The following ATP13A4 variants were observed in gnomAD, a reference collection of about 807,000 sequenced individuals.
ATP13A4 encodes probable cation-transporting ATPase 13A4.
In ATP13A4, 114 loss-of-function variants were observed where a neutral mutation model predicts 142.5. The observed-to-expected ratio is 0.80, with a 90% CI of 0.69 to 0.93. The LOEUF is 0.93. Among genes scored for constraint, ATP13A4 ranks in the 40% least tolerant of loss-of-function variants. The pLI, the probability that ATP13A4 is intolerant of heterozygous loss-of-function variation, is 0.00. For missense variants in ATP13A4, 1,392 were observed against 1,454.0 expected (o/e 0.96, Z 0.69); for synonymous variants, 488 against 514.8 (o/e 0.95, Z 0.70).
rs1339338258 is a variant in ATP13A4 at position 193,499,289 on chromosome 3, G to A, written c.381+3204C>T. ...ATTTGCAGATTTCACAATCTGCAAAGGAAATATTTGTAAATGACAGGCTCT... is the reference window on the plus strand; with the variant it reads ...ATTTGCAGATTTCACAATCTGCAAAAGAAATATTTGTAAATGACAGGCTCT... On this transcript the variant is annotated intron_variant, in intron 3 of 29. Transcript: ENST00000342695. Among the ~76,000 whole-genome samples, 5 of 152,182 alleles carry A rather than the reference G, an allele frequency of 3.3e-5. No homozygotes were observed. The South Asian group carries it at 8.3e-4, about 25-fold the overall frequency.
At chr3:193,491,052 T>C (rs1719915453) in intron 6 of ATP13A4, among the ~76,000 whole-genome samples, 1 of 152,232 alleles carries the variant, frequency 6.6e-6, no homozygotes, top group Middle Eastern at 3.4e-3. Context: ...TTAAGCAGCA[T>C]AGTATTAAAA....
intron 7 of ATP13A4, among the ~76,000 whole-genome samples, chr3:193,485,294 A>AGAGCAGCAGTTACACGTACAGGTG (rs1422880538): frequency 4.6e-5 from 7 of 150,558 alleles, no homozygotes; most frequent in Non-Finnish European, 7.4e-5. Flanking sequence ...ACGTACAGGT[A>AGAGCAGCAGTTACACGTACAGGTG]GAGCAGCAGT....
chr3:193,428,339 G>T (rs1715783058), intron 25 of ATP13A4, among the ~76,000 whole-genome samples: 1 of 152,186 alleles, frequency 6.6e-6, no homozygotes, highest in East Asian at 1.9e-4. Flanking sequence ...TTACACTGTT[G>T]GTGGGACTGT....
intron 25 of ATP13A4, among the ~76,000 whole-genome samples, chr3:193,422,251 A>G (rs1020975110): frequency 6.7e-6 from 1 of 149,954 alleles, no homozygotes; most frequent in African/African-American, 2.4e-5. Context: ...AATGAACACA[A>G]AAGGAGAAAT....
intron 20 of ATP13A4, 128 bp downstream of exon 20, chr3:193,441,338 T>C: frequency 8.3e-7 from 1 of 1,202,198 alleles, no homozygotes; most frequent in Non-Finnish European, 1.2e-6. Flanking sequence ...TATCTGTCTC[T>C]CTTAAGATAC....
chr3:193,427,769 C>T (rs1233040724), intron 25 of ATP13A4, among the ~76,000 whole-genome samples: 55 of 152,234 alleles, frequency 3.6e-4, no homozygotes, highest in Middle Eastern at 3.4e-3. Context: ...CCCTTCCTTA[C>T]ACCTTATACA....
At chr3:193,494,498 A>G (rs189124845) in intron 3 of ATP13A4, among the ~76,000 whole-genome samples, 77 of 152,144 alleles carry the variant, frequency 5.1e-4, no homozygotes, top group Admixed American at 3.2e-3. Flanking sequence ...GCAAATACAT[A>G]CAAATTAAAC....
At chr3:193,542,584 C>G (rs1370380569) in intron 1 of ATP13A4, among the ~76,000 whole-genome samples, 1 of 152,030 alleles carries the variant, frequency 6.6e-6, no homozygotes, top group African/African-American at 2.4e-5. Context: ...AACTATACTA[C>G]AAGTCTGCAG....
At chr3:193,519,988 G>T (rs1721632683) in intron 1 of ATP13A4, among the ~76,000 whole-genome samples, 1 of 152,052 alleles carries the variant, frequency 6.6e-6, no homozygotes, top group Middle Eastern at 3.4e-3. Flanking sequence ...CCTCCTTTCT[G>T]CTCCCCTACA....
At chr3:193,512,390 T>C (rs755061543) in intron 2 of ATP13A4, among the ~76,000 whole-genome samples, 1 of 152,148 alleles carries the variant, frequency 6.6e-6, no homozygotes. Context: ...GGGCCACTCA[T>C]AGCACTTTAC....
At chr3:193,447,497 T>C (rs1033598467) in intron 18 of ATP13A4, among the ~76,000 whole-genome samples, 1 of 152,184 alleles carries the variant, frequency 6.6e-6, no homozygotes, top group Non-Finnish European at 1.5e-5. Context: ...TAAAAGCATC[T>C]GACTACAAGA....
chr3:193,546,117 G>A (rs1057214301), intron 1 of ATP13A4, among the ~76,000 whole-genome samples: 15 of 151,788 alleles, frequency 9.9e-5, no homozygotes, highest in African/African-American at 3.6e-4. Context: ...TCTCATAGAA[G>A]TGATCTTTAT....
chr3:193,417,918 C>G lies in ATP13A4; in HGVS notation c.2843-3168G>C, dbSNP rs376453247. On this transcript the variant is annotated intron_variant, in intron 25 of 29. Coordinates refer to ENST00000342695, the MANE Select transcript of ATP13A4 (RefSeq NM_032279.4). The stretch of plus-strand genomic sequence containing the variant: ...CGGGCGGATCACAAGGTCAGGAGAT[C>G]GAGACCATCCCGGCTAAAACGGTGA... 5.3e-4 allele frequency among the ~76,000 whole-genome samples: 78 copies of G among 146,516 alleles called. 2 individuals are homozygous for G. Among genetic ancestry groups the G allele is most frequent in the South Asian group, 8.7e-4 (4 of 4,614 alleles).
intron 1 of ATP13A4, among the ~76,000 whole-genome samples, chr3:193,588,707 G>C (rs921042529): frequency 1.3e-5 from 2 of 151,928 alleles, no homozygotes; most frequent in African/African-American, 4.8e-5. Flanking sequence ...TGCCTCTGTG[G>C]GTAGTAACTG....
intron 1 of ATP13A4, among the ~76,000 whole-genome samples, chr3:193,534,260 G>A (rs1722478927): frequency 6.6e-6 from 1 of 152,098 alleles, no homozygotes; most frequent in Non-Finnish European, 1.5e-5. Context: ...AGAAGCTAAC[G>A]ATGACATTAA....
chr3:193,486,743 G>T lies in ATP13A4; in HGVS notation c.739-2738C>A, dbSNP rs140825565. ...GGATTTGAGATACATATACAAATTT[G>T]AAAGCTATTAGCATATGCCTTTAGA... On this transcript the variant is annotated intron_variant, in intron 7 of 29. Transcript: ENST00000342695. Among the ~76,000 whole-genome samples the T allele has an allele frequency of 5.5e-3, 832 of 152,280 alleles. 5 individuals are homozygous for T. Among genetic ancestry groups the T allele is most frequent in the African/African-American group, 0.017 (688 of 41,566 alleles).
At position 193,414,063 on chromosome 3, in the gene ATP13A4, T is replaced by C. The variant is rs140495188; in HGVS notation, c.3014+516A>G. On this transcript the variant is annotated intron_variant, in intron 26 of 29. Coordinates refer to ENST00000342695, the MANE Select transcript of ATP13A4 (RefSeq NM_032279.4). ...GGCCCAACTGCAAAATTCCTCTCTT[T>C]GTACTCTTTCTCTTTATTTCTCAGC... Among the ~76,000 whole-genome samples, 1,003 of 152,294 alleles carry C rather than the reference T, an allele frequency of 6.6e-3. 12 individuals carry two copies. Among genetic ancestry groups the C allele is most frequent in the African/African-American group, 0.022 (933 of 41,558 alleles).
intron 1 of ATP13A4, among the ~76,000 whole-genome samples, chr3:193,539,221 A>G (rs932667227): frequency 3.9e-5 from 6 of 152,192 alleles, no homozygotes; most frequent in Non-Finnish European, 5.9e-5. Context: ...TCAGTGGGCC[A>G]TATGTCCCCA....
chr3:193,479,502 C>T (rs1004584978), intron 8 of ATP13A4, among the ~76,000 whole-genome samples: 3 of 151,982 alleles, frequency 2.0e-5, no homozygotes, highest in Admixed American at 1.3e-4. Context: ...AAGTCAAGAA[C>T]GCAACCTCTT....
Sources: gnomAD v4.1 joint callset for allele counts (sites outside exome capture counted in the v4.1 genomes callset) on GRCh38, gnomAD v4.1.1 for gene constraint, MANE v1.5 for transcripts, NCBI Gene and HGNC (gene_info 2026-07-23, HGNC 2026-07-21) for gene names.